FSTL4: variants seen among roughly 807,000 people sequenced by gnomAD.
FSTL4 encodes the protein follistatin like 4, also known as follistatin-related protein 4.
A neutral mutation model predicts 78.2 loss-of-function variants in FSTL4; 28 were observed. The observed-to-expected ratio is 0.36, with a 90% CI of 0.27 to 0.49. The LOEUF (loss-of-function observed/expected upper bound fraction) is 0.49. FSTL4 is among the 20% of genes least tolerant of loss of function. The pLI, the probability that FSTL4 is intolerant of heterozygous loss-of-function variation, is 0.98. For missense variants in FSTL4, 922 were observed against 1,084.9 expected, an observed-to-expected ratio of 0.85 and a Z score of 2.11; for synonymous variants, 422 against 440.5, an observed-to-expected ratio of 0.96 and a Z score of 0.53.
In FSTL4 at chr5:133,463,026, C is replaced by T. The variant is rs150646522; in HGVS notation, c.161-62040G>A. Among the ~76,000 whole-genome samples, 316 of 152,208 alleles carry T rather than the reference C, an allele frequency of 2.1e-3. 4 individuals are homozygous for T. The highest frequency in any genetic ancestry group is 7.2e-3 in the African/African-American group (297 of 41,526). ...CAAAGCCTGGCTGAGGAATGCCGTG[C>T]GAGGCAGGAAGTCTCTTCTAGGTCT... On this transcript the variant is annotated intron_variant, in intron 3 of 15. Coordinates refer to ENST00000265342, the MANE Select transcript of FSTL4 (RefSeq NM_015082.2).
the FSTL4 span, among the ~76,000 whole-genome samples, chr5:133,797,346 T>C: frequency 6.6e-6 from 1 of 152,190 alleles, no homozygotes; most frequent in Admixed American, 6.5e-5. Flanking sequence ...AAATTTGGAG[T>C]CAGCAGAAAG....
intron 3 of FSTL4, among the ~76,000 whole-genome samples, chr5:133,432,443 T>C (rs1756959435): frequency 6.6e-6 from 1 of 152,200 alleles, no homozygotes; most frequent in Non-Finnish European, 1.5e-5. Context: ...GAGAGATTTG[T>C]AGTACCTAAT....
chr5:133,808,541 G>A, the FSTL4 span, among the ~76,000 whole-genome samples: 7 of 152,168 alleles, frequency 4.6e-5, no homozygotes, highest in East Asian at 1.4e-3. Flanking sequence ...AGATGTTAAG[G>A]GACTTCAGTG....
At chr5:133,829,536 AAAGT>A in the FSTL4 span, among the ~76,000 whole-genome samples, 1 of 152,192 alleles carries the variant, frequency 6.6e-6, no homozygotes, top group Non-Finnish European at 1.5e-5. Context: ...TGTGTCCACC[AAAGT>A]GAGTAGGGAG....
At chr5:133,317,791 G>A (rs1435628721) in intron 4 of FSTL4, among the ~76,000 whole-genome samples, 2 of 152,178 alleles carry the variant, frequency 1.3e-5, no homozygotes, top group Admixed American at 1.3e-4. Context: ...TAAGTAAGAT[G>A]TGCACATACA....
At chr5:133,505,699 C>T (rs1026316267) in intron 3 of FSTL4, among the ~76,000 whole-genome samples, 2 of 152,192 alleles carry the variant, frequency 1.3e-5, no homozygotes, top group Non-Finnish European at 2.9e-5. Context: ...TACAGCTGCC[C>T]AATTTTTTCA....
chr5:133,689,089 G>A, the FSTL4 span, among the ~76,000 whole-genome samples: 2 of 152,128 alleles, frequency 1.3e-5, no homozygotes, highest in Non-Finnish European at 2.9e-5. Flanking sequence ...CCCTCCCCGT[G>A]GTCCTCAGTG....
chr5:133,405,803 G>A (rs953792061), intron 3 of FSTL4, among the ~76,000 whole-genome samples: 1 of 152,226 alleles, frequency 6.6e-6, no homozygotes, highest in Admixed American at 6.5e-5. Flanking sequence ...TGAGAACCAG[G>A]CAGAGGCCCG....
At chr5:133,383,046 C>T (rs1026716861) in intron 4 of FSTL4, among the ~76,000 whole-genome samples, 1 of 152,178 alleles carries the variant, frequency 6.6e-6, no homozygotes, top group South Asian at 2.1e-4. Flanking sequence ...TGACATGTTA[C>T]TCCTTGGCCC....
intron 3 of FSTL4, among the ~76,000 whole-genome samples, chr5:133,502,950 GC>G (rs1758531642): frequency 6.6e-6 from 1 of 152,154 alleles, no homozygotes; most frequent in Non-Finnish European, 1.5e-5. Flanking sequence ...ACCTCATTAA[GC>G]CCTCATGAGG....
At chr5:133,329,916 C>T (rs553319572) in intron 4 of FSTL4, among the ~76,000 whole-genome samples, 1 of 152,302 alleles carries the variant, frequency 6.6e-6, no homozygotes, top group East Asian at 1.9e-4. Context: ...CGACATTCAC[C>T]CCCTTTGCCC....
chr5:133,273,339 C>T (rs529581030), intron 6 of FSTL4, among the ~76,000 whole-genome samples: 2 of 152,216 alleles, frequency 1.3e-5, no homozygotes, highest in Admixed American at 1.3e-4. Flanking sequence ...GTATTTTATA[C>T]TTACATCTCA....
rs74584999 is a variant in FSTL4 at position 133,486,491 on chromosome 5, T to C, written c.160+80695A>G. 1.1e-4 allele frequency among the ~76,000 whole-genome samples: 16 copies of C among 152,258 alleles called. No individual in the cohort carries two copies. The East Asian group carries it at 2.7e-3, about 26-fold the overall frequency. ...GTTCCCTCTCCTGTTCTGTCCTTCA[T>C]TTTCTTTAAAACTAGCTTAATCATC... On this transcript the variant is annotated intron_variant, in intron 3 of 15. Coordinates refer to ENST00000265342, the MANE Select transcript of FSTL4 (RefSeq NM_015082.2).
chr5:133,664,374 G>A, the FSTL4 span, among the ~76,000 whole-genome samples: 11 of 152,002 alleles, frequency 7.2e-5, no homozygotes, highest in African/African-American at 4.8e-5. Flanking sequence ...GTGGTTTATA[G>A]TGTCCCAAAA....
At chr5:133,750,121 A>G in the FSTL4 span, among the ~76,000 whole-genome samples, 24 of 152,134 alleles carry the variant, frequency 1.6e-4, no homozygotes, top group Non-Finnish European at 3.4e-4. Flanking sequence ...ATTTTGAGCC[A>G]AAAAACAAGT....
intron 4 of FSTL4, among the ~76,000 whole-genome samples, chr5:133,342,546 G>A (rs917403363): frequency 6.6e-6 from 1 of 152,080 alleles, no homozygotes; most frequent in African/African-American, 2.4e-5. Context: ...ATTTGGAGTC[G>A]GCCTCTGCCT....
At chr5:133,704,690 C>A in the FSTL4 span, among the ~76,000 whole-genome samples, 1 of 152,230 alleles carries the variant, frequency 6.6e-6, no homozygotes, top group East Asian at 1.9e-4. Context: ...TGATAAGATA[C>A]TGTCAGCAGC....
intron 2 of FSTL4, among the ~76,000 whole-genome samples, chr5:133,569,817 T>C (rs563201313): frequency 6.6e-6 from 1 of 152,292 alleles, no homozygotes; most frequent in East Asian, 1.9e-4. Flanking sequence ...CTGGATTCTG[T>C]TTATTATTTT....
At chr5:133,634,186 G>T in the FSTL4 span, among the ~76,000 whole-genome samples, 1 of 152,140 alleles carries the variant, frequency 6.6e-6, no homozygotes, top group Non-Finnish European at 1.5e-5. Flanking sequence ...TGTGGTGATG[G>T]TACTGGGGCA....
Sources: gnomAD v4.1 joint callset for allele counts (sites outside exome capture counted in the v4.1 genomes callset) on GRCh38, gnomAD v4.1.1 for gene constraint, MANE v1.5 for transcripts, NCBI Gene and HGNC (gene_info 2026-07-23, HGNC 2026-07-21) for gene names.